PPP1R15A: variants seen among roughly 807,000 people sequenced by gnomAD.
The protein encoded by PPP1R15A is protein phosphatase 1 regulatory subunit 15A.
Under a neutral mutation model 48.5 loss-of-function variants are expected in PPP1R15A, and 43 were observed. That is an observed-to-expected ratio of 0.89 (90% CI 0.69 to 1.14). The LOEUF (loss-of-function observed/expected upper bound fraction) is 1.14, where lower values mean the gene tolerates loss of function less well. PPP1R15A is among the 50% of genes most tolerant of loss of function. The pLI is 0.00. For synonymous variants in PPP1R15A, 327 were observed against 327.4 expected, an observed-to-expected ratio of 1.00 and a Z score of 0.01; for missense variants, 868 against 847.2, an observed-to-expected ratio of 1.02 and a Z score of -0.30.
In PPP1R15A at chr19:48,873,413, G is replaced by A. The variant is rs777037170; in HGVS notation, c.180G>A (p.Leu60=). 1.5e-5 allele frequency: 25 copies of A among 1,613,230 alleles called. No homozygotes were observed. The highest frequency in any genetic ancestry group is 2.2e-5 in the East Asian group (1 of 44,898). Residue 60 remains leucine (L), a synonymous_variant, in exon 2 of 3, where the codon CTG becomes CTA. Coordinates refer to ENST00000200453, the MANE Select transcript of PPP1R15A (RefSeq NM_014330.5). ...VKGAALVEAG[L]EGEARTPLAI... Reference sequence around the variant, plus strand: ...GAGCAGCTCTGGTAGAAGCTGGCCTGGAGGGAGAAGCTAGGACTCCTCTGG... The same window carrying A: ...GAGCAGCTCTGGTAGAAGCTGGCCTAGAGGGAGAAGCTAGGACTCCTCTGG...
Position 48,875,770 on chromosome 19 carries a change from A to T in PPP1R15A, c.1822A>T (p.Thr608Ser), listed in dbSNP as rs759405447. 46 of 1,612,564 alleles carry T rather than the reference A, an allele frequency of 2.9e-5. No homozygotes were observed. The Admixed American group carries it at 7.3e-4, about 26-fold the overall frequency. The change falls in exon 3 of 3, where the codon ACC (threonine) becomes TCC (serine). Residue 608 changes from threonine (T) to serine (S), a missense_variant. Thr to Ser is a moderately conservative substitution (Grantham distance 58). Transcript: ENST00000200453. ...QAQEELSPCL[T>S]PAARARAWAR... The stretch of plus-strand genomic sequence containing the variant: ...CCAGGAGGAGCTGAGCCCCTGCCTC[A>T]CCCCTGCTGCCCGGGCCAGAGCCTG...
intron 2 of PPP1R15A, chr19:48,875,116 G>A: frequency 1.9e-6 from 1 of 513,190 alleles, no homozygotes; most frequent in Non-Finnish European, 3.2e-6. Context: ...TTTTAGTAGA[G>A]ACGGGGGTTT....
rs527 is a variant in PPP1R15A, at chr19:48,875,925, G to A, written c.1977G>A (p.Ser659=). ...LSQAVATPSR[S]SAAAAAALDL... ...AAGCTGTGGCCACACCTTCCCGCTC[G>A]TCTGCTGCTGCAGCGGCTGCCCTGG... Residue 659 remains serine (S), a synonymous_variant, in exon 3 of 3, where the codon TCG becomes TCA. Transcript: ENST00000200453. The A allele has an allele frequency of 1.6e-5, 26 of 1,610,702 alleles. No homozygotes were observed. The highest frequency in any genetic ancestry group is 2.1e-5 in the Non-Finnish European group (25 of 1,177,494).
Position 48,874,038 on chromosome 19 carries a change from G to A in PPP1R15A, c.805G>A (p.Glu269Lys), listed in dbSNP as rs564057305. Residue 269 changes from glutamate to lysine, a missense_variant, in exon 2 of 3, where the codon GAG becomes AAG. Transcript: ENST00000200453. ...SWEYRSGEAS[E>K]EKEEKAHKET... ...GGAGTATCGTTCAGGAGAGGCGTCC[G>A]AGGAGAAGGAGGAAAAGGCACACAA... 2.7e-5 allele frequency: 43 copies of A among 1,614,142 alleles called. No individual in the cohort carries two copies. The highest frequency in any genetic ancestry group is 1.7e-4 in the Admixed American group (10 of 60,016).
chr19:48,874,923 ATTTTTTT>A, intron 2 of PPP1R15A, 25 bp downstream of exon 2: 1 of 1,368,130 alleles, frequency 7.3e-7, no homozygotes, highest in Non-Finnish European at 9.5e-7. Context: ...CCCAGATTCT[ATTTTTTT>A]TTTTTTTTTA....
At chr19:48,875,418 A>C in intron 2 of PPP1R15A, 196 bp from the exon 3 acceptor site, 1 of 766,948 alleles carries the variant, frequency 1.3e-6, no homozygotes, top group Non-Finnish European at 2.0e-6. Context: ...CAGCCCCAGG[A>C]AACCACCTCT....
rs746564900 is a variant in PPP1R15A, at chr19:48,873,816, G to A, written c.583G>A (p.Asp195Asn). 19 of 1,613,952 alleles carry A rather than the reference G, an allele frequency of 1.2e-5. No individual in the cohort carries two copies. Among genetic ancestry groups the A allele is most frequent in the African/African-American group, 2.7e-5 (2 of 74,882 alleles). The change falls in exon 2 of 3, where the codon GAT (aspartate) becomes AAT (asparagine). Residue 195 changes from aspartate (D) to asparagine (N), a missense_variant. Transcript: ENST00000200453. ...TTGTCCAGCCGTGGAGGAGGAGGACGATGAAGAAGCTGTAAAGAAAGAAGC... is the reference window on the plus strand; with the variant it reads ...TTGTCCAGCCGTGGAGGAGGAGGACAATGAAGAAGCTGTAAAGAAAGAAGC... ...ECCPAVEEEDDEEAVKKEAHR... is the reference protein window; with the variant it reads ...ECCPAVEEEDNEEAVKKEAHR...
In PPP1R15A at chr19:48,873,338, C is replaced by T. The variant is rs749999960; in HGVS notation, c.105C>T (p.Arg35=). ...VMGLLSRAWS[R]LRGLGPLEPW... ...GCCTCCTCAGCCGCGCCTGGAGCCG[C>T]CTGAGGGGCCTGGGACCTCTAGAGC... is the stretch of plus-strand genomic sequence containing the variant. Residue 35 remains arginine (R), a synonymous_variant, in exon 2 of 3, where the codon CGC becomes CGT. Coordinates refer to ENST00000200453, the MANE Select transcript of PPP1R15A (RefSeq NM_014330.5). The T allele has an allele frequency of 1.5e-5, 24 of 1,612,630 alleles. No individual in the cohort carries two copies. The South Asian group carries it at 2.5e-4, about 17-fold the overall frequency.
chr19:48,872,874 A>C (rs780094898), intron 1 of PPP1R15A, among the ~76,000 whole-genome samples: 14 of 152,296 alleles, frequency 9.2e-5, no homozygotes, highest in East Asian at 1.9e-4. Context: ...GTCAATCTTC[A>C]GCAGAATGAG....
Position 48,873,524 on chromosome 19 carries a change from G to T in PPP1R15A, c.291G>T (p.Gly97=). Residue 97 remains glycine, a synonymous_variant, in exon 2 of 3, where the codon GGG becomes GGT. Coordinates refer to ENST00000200453, the MANE Select transcript of PPP1R15A (RefSeq NM_014330.5). The stretch of plus-strand genomic sequence containing the variant: ...CTGGAGAGGACAGAGAAACACTGGG[G>T]CTGAAAACCAGCAGTTCCCTTCCTG... ...GGPGEDRETL[G]LKTSSSLPEA... is the part of the protein sequence containing the mutation. 1.2e-6 allele frequency: 2 copies of T among 1,614,202 alleles called. No individual in the cohort carries two copies. The highest frequency in any genetic ancestry group is 1.7e-6 in the Non-Finnish European group (2 of 1,180,036).
Position 48,875,641 on chromosome 19 carries a change from C to T in PPP1R15A, c.1693C>T (p.His565Tyr). ...KVRFSEKVTVHFLAVWAGPAQ... is the reference protein window; with the variant it reads ...KVRFSEKVTVYFLAVWAGPAQ... ...GCGCTTCTCCGAGAAGGTCACTGTCCATTTCCTGGCTGTCTGGGCAGGGCC... is the reference window on the plus strand; with the variant it reads ...GCGCTTCTCCGAGAAGGTCACTGTCTATTTCCTGGCTGTCTGGGCAGGGCC... Residue 565 changes from histidine (H) to tyrosine (Y), a missense_variant, in exon 3 of 3, where the codon CAT (histidine) becomes TAT (tyrosine). His to Tyr is a moderately conservative substitution (Grantham distance 83). Transcript: ENST00000200453. The T allele has an allele frequency of 6.2e-7, 1 of 1,606,050 alleles. No individual in the cohort carries two copies. Among genetic ancestry groups the T allele is most frequent in the Non-Finnish European group, 8.5e-7 (1 of 1,176,654 alleles).
At position 48,873,949 on chromosome 19, in the gene PPP1R15A, G is replaced by A. The variant is rs1383183953; in HGVS notation, c.716G>A (p.Arg239Lys). Residue 239 changes from arginine (R) to lysine (K), a missense_variant, in exon 2 of 3, where the codon AGA becomes AAA. By Grantham distance (26) the Arg-to-Lys change is conservative. Coordinates refer to ENST00000200453, the MANE Select transcript of PPP1R15A (RefSeq NM_014330.5). The stretch of plus-strand genomic sequence containing the variant: ...GCCACGGAGGATAAAAGAACAGAAA[G>A]AAGTAAAGGAGCCAGGAAGACCTCC... The part of the protein sequence containing the change: ...NQATEDKRTE[R>K]SKGARKTSVS... The A allele has an allele frequency of 1.2e-6, 2 of 1,613,810 alleles. No individual in the cohort carries two copies. The highest frequency in any genetic ancestry group is 1.7e-6 in the Non-Finnish European group (2 of 1,179,984).
In PPP1R15A at chr19:48,874,168, G is replaced by C. The variant is rs376576127; in HGVS notation, c.935G>C (p.Gly312Ala). Residue 312 changes from glycine to alanine, a missense_variant, in exon 2 of 3, where the codon GGT (glycine) becomes GCT (alanine). Transcript: ENST00000200453. Reference sequence around the variant, plus strand: ...TGCCAACCCAGTGATGAAGAGGAGGGTGAGGTCAAGGCTTTGGGGGCAGCT... The same window carrying C: ...TGCCAACCCAGTGATGAAGAGGAGGCTGAGGTCAAGGCTTTGGGGGCAGCT... ...WWCQPSDEEE[G>A]EVKALGAAEK... is the part of the protein sequence containing the mutation. The C allele has an allele frequency of 5.0e-6, 8 of 1,614,060 alleles. No homozygotes were observed. The highest frequency in any genetic ancestry group is 8.5e-7 in the Non-Finnish European group (1 of 1,180,044).
In PPP1R15A at chr19:48,874,832, G is replaced by A. The variant is rs202096859; in HGVS notation, c.1599G>A (p.Arg533=). 1 of 1,612,050 alleles carries A rather than the reference G, an allele frequency of 6.2e-7. No homozygotes were observed. Reference sequence around the variant, plus strand: ...CTAGGCTGCCCCTCCGACTGCAAAGGCGGCTCAAGCGCCCAGAAACCCCTA... The same window carrying A: ...CTAGGCTGCCCCTCCGACTGCAAAGACGGCTCAAGCGCCCAGAAACCCCTA... ...APPRLPLRLQ[R]RLKRPETPTH... The change falls in exon 2 of 3, where the codon AGG becomes AGA. Residue 533 remains arginine (R), a synonymous_variant. Transcript: ENST00000200453.
chr19:48,875,385 G>A (rs1327105525), intron 2 of PPP1R15A: 2 of 607,458 alleles, frequency 3.3e-6, no homozygotes, highest in Non-Finnish European at 5.6e-6. Context: ...CCTGGGGGAG[G>A]AGGGAGCAGC....
rs1205118726 is a variant in PPP1R15A at position 48,874,842 on chromosome 19, C to T, written c.1609C>T (p.Arg537Cys). 11 of 1,610,920 alleles carry T rather than the reference C, an allele frequency of 6.8e-6. No homozygotes were observed. The highest frequency in any genetic ancestry group is 1.6e-4 in the Middle Eastern group (1 of 6,076). Reference protein sequence around the residue: ...LPLRLQRRLKRPETPTHDPDP... With the variant: ...LPLRLQRRLKCPETPTHDPDP... The stretch of plus-strand genomic sequence containing the variant: ...CCTCCGACTGCAAAGGCGGCTCAAG[C>T]GCCCAGAAACCCCTACTCATGATCC... The change falls in exon 2 of 3, where the codon CGC becomes TGC. Residue 537 changes from arginine to cysteine, a missense_variant. Physicochemically the swap from Arg to Cys is radical, Grantham distance 180 (BLOSUM62 -3). Coordinates refer to ENST00000200453, the MANE Select transcript of PPP1R15A (RefSeq NM_014330.5).
In PPP1R15A at chr19:48,873,417, G is replaced by C; in HGVS notation, c.184G>C (p.Gly62Arg). 2.5e-6 allele frequency: 4 copies of C among 1,613,102 alleles called. No homozygotes were observed. Among genetic ancestry groups the C allele is most frequent in the Non-Finnish European group, 3.4e-6 (4 of 1,179,516 alleles). ...AGCTCTGGTAGAAGCTGGCCTGGAG[G>C]GAGAAGCTAGGACTCCTCTGGCAAT... ...GAALVEAGLE[G>R]EARTPLAIPH... The change falls in exon 2 of 3, where the codon GGA (glycine) becomes CGA (arginine). Residue 62 changes from glycine (G) to arginine (R), a missense_variant. By Grantham distance (125) the Gly-to-Arg change is moderately radical (BLOSUM62 -2). Coordinates refer to ENST00000200453, the MANE Select transcript of PPP1R15A (RefSeq NM_014330.5).
chr19:48,875,596 C>G lies in PPP1R15A; in HGVS notation c.1666-18C>G. The G allele has an allele frequency of 6.3e-7, 1 of 1,576,860 alleles. No individual in the cohort carries two copies. The highest frequency in any genetic ancestry group is 8.6e-7 in the Non-Finnish European group (1 of 1,160,722). ...GGCTGTGTGCATCTCCTGCCTGTGTCCCCATGTCTGCCCGCAGGTGCGCTT... is the reference window on the plus strand; with the variant it reads ...GGCTGTGTGCATCTCCTGCCTGTGTGCCCATGTCTGCCCGCAGGTGCGCTT... On this transcript the variant is annotated intron_variant, in intron 2 of 2. Transcript: ENST00000200453.
intron 2 of PPP1R15A, 178 bp from the exon 3 acceptor site, chr19:48,875,436 G>A (rs1351802908): frequency 1.2e-6 from 1 of 846,636 alleles, no homozygotes. Context: ...TCTTCCTTCA[G>A]TGAGTCAGAT....
Sources: gnomAD v4.1 joint callset for allele counts (sites outside exome capture counted in the v4.1 genomes callset) on GRCh38, gnomAD v4.1.1 for gene constraint, MANE v1.5 for transcripts, NCBI Gene and HGNC (gene_info 2026-07-23, HGNC 2026-07-21) for gene names.